Variants in RYR2 observed in about 807,000 individuals in gnomAD.
The protein encoded by RYR2 is ryanodine receptor 2, also known as cardiac muscle ryanodine receptor-calcium release channel.
In RYR2, 227 loss-of-function variants were observed where a neutral mutation model predicts 601.1. The ratio of observed to expected loss-of-function variants is 0.38; its 90% CI spans 0.34 to 0.42. RYR2 has a LOEUF of 0.42. RYR2 is among the 10% of genes least tolerant of loss of function. The pLI is 1.00. For missense variants in RYR2, 4,646 were observed against 6,156.5 expected (o/e 0.75, Z 8.21); for synonymous variants, 2,223 against 2,175.1 (o/e 1.02, Z -0.61).
At chr1:237,298,568 T>A (rs1042073199) in intron 2 of RYR2, among the ~76,000 whole-genome samples, 2 of 152,118 alleles carry the variant, frequency 1.3e-5, no homozygotes, top group African/African-American at 4.8e-5. Context: ...CTTGGCTCTA[T>A]TAGCTTCATT....
chr1:237,649,410 G>A (rs1171251484), intron 49 of RYR2, among the ~76,000 whole-genome samples: 1 of 152,118 alleles, frequency 6.6e-6, no homozygotes, highest in Non-Finnish European at 1.5e-5. Flanking sequence ...CGATAACATA[G>A]TAGTAATACA....
chr1:237,137,278 C>T (rs1282892589), intron 1 of RYR2, among the ~76,000 whole-genome samples: 2 of 152,138 alleles, frequency 1.3e-5, no homozygotes, highest in African/African-American at 4.8e-5. Context: ...ACTTACCCCT[C>T]CCATGGTCTC....
chr1:237,339,359 A>C (rs571486188), intron 3 of RYR2, among the ~76,000 whole-genome samples: 137 of 152,302 alleles, frequency 9.0e-4, no homozygotes, highest in African/African-American at 2.6e-3. Flanking sequence ...TATTGTTAAA[A>C]GTAATTAGTG....
intron 62 of RYR2, among the ~76,000 whole-genome samples, chr1:237,686,783 C>A (rs1007852740): frequency 3.9e-5 from 6 of 152,100 alleles, no homozygotes; most frequent in Admixed American, 3.3e-4. Flanking sequence ...TGCTCTGGAG[C>A]AGATAAGAAA....
intron 10 of RYR2, among the ~76,000 whole-genome samples, chr1:237,407,628 T>C (rs1704037338): frequency 9.9e-6 from 1 of 100,972 alleles, no homozygotes; most frequent in Non-Finnish European, 1.9e-5. Context: ...TTTTTTTTTT[T>C]TAAATTGAGA....
chr1:237,595,578 A>C lies in RYR2; in HGVS notation c.4517A>C (p.Glu1506Ala), dbSNP rs1559085585. ...CAAGGACGCAACAATAATGGACTGG[A>C]GATTGGCTGTGTGGTGGATGCTGCC... Reference protein sequence around the residue: ...PGQGRNNNGLEIGCVVDAASG... With the variant: ...PGQGRNNNGLAIGCVVDAASG... Residue 1506 changes from glutamate (E) to alanine (A), a missense_variant, in exon 34 of 105, where the codon GAG (glutamate) becomes GCG (alanine). Glu to Ala is a moderately radical substitution (Grantham distance 107). Transcript: ENST00000366574. The C allele has an allele frequency of 6.2e-7, 1 of 1,613,564 alleles. No individual in the cohort carries two copies. The highest frequency in any genetic ancestry group is 8.5e-7 in the Non-Finnish European group (1 of 1,179,694).
At chr1:237,562,062 T>C (rs186054386) in intron 27 of RYR2, among the ~76,000 whole-genome samples, 10 of 152,338 alleles carry the variant, frequency 6.6e-5, no homozygotes, top group Admixed American at 3.3e-4. Context: ...AATCAAGCCT[T>C]ATGTAATTAA....
At chr1:237,708,242 A>G (rs998754185) in intron 68 of RYR2, among the ~76,000 whole-genome samples, 1 of 152,226 alleles carries the variant, frequency 6.6e-6, no homozygotes, top group Non-Finnish European at 1.5e-5. Context: ...AGAAAAATGC[A>G]GCAATGACTT....
intron 1 of RYR2, among the ~76,000 whole-genome samples, chr1:237,227,053 G>A (rs1052640632): frequency 4.6e-5 from 7 of 152,226 alleles, no homozygotes; most frequent in Non-Finnish European, 8.8e-5. Context: ...GATTATAGAC[G>A]TTGAGCCCCT....
At chr1:237,329,922 A>T (rs1047864146) in intron 2 of RYR2, among the ~76,000 whole-genome samples, 8 of 152,212 alleles carry the variant, frequency 5.3e-5, no homozygotes, top group Non-Finnish European at 1.2e-4. Context: ...TATACACAGA[A>T]CAGGACCAAG....
At chr1:237,470,165 G>A (rs1205902781) in intron 17 of RYR2, among the ~76,000 whole-genome samples, 2 of 152,086 alleles carry the variant, frequency 1.3e-5, no homozygotes, top group Admixed American at 6.6e-5. Context: ...TGAAGATAGG[G>A]GCATGGTTTC....
At chr1:237,319,432 A>G (rs778581672) in intron 2 of RYR2, among the ~76,000 whole-genome samples, 7 of 151,806 alleles carry the variant, frequency 4.6e-5, no homozygotes, top group Non-Finnish European at 8.8e-5. Flanking sequence ...GAATTCTTTT[A>G]TGTCTCTATT....
chr1:237,408,879 T>A (rs1389774720), intron 10 of RYR2, among the ~76,000 whole-genome samples: 1 of 152,186 alleles, frequency 6.6e-6, no homozygotes, highest in Admixed American at 6.5e-5. Flanking sequence ...GTTGTCTTTA[T>A]TTAGATTTTG....
At chr1:237,671,626 T>C (rs535143240) in intron 58 of RYR2, among the ~76,000 whole-genome samples, 1 of 151,960 alleles carries the variant, frequency 6.6e-6, no homozygotes, top group Non-Finnish European at 1.5e-5. Context: ...TTTCACCCAT[T>C]CTCTTCTCTT....
rs959492540 is a variant in RYR2 at position 237,806,377 on chromosome 1, A to G, written c.14298+94A>G. 5 of 1,267,370 alleles carry G rather than the reference A, an allele frequency of 3.9e-6. No individual in the cohort carries two copies. The Admixed American group carries it at 9.1e-5, about 23-fold the overall frequency. The allele number at this position is 1,267,370 out of a possible 1,614,324, so 78.5% of individuals were successfully genotyped here. A position where few individuals can be genotyped will look rare whatever the true frequency, so the allele number is the denominator to read the frequency against. On this transcript the variant is annotated intron_variant, in intron 99 of 104. Coordinates refer to ENST00000366574, the MANE Select transcript of RYR2 (RefSeq NM_001035.3). ...AACTACCCCTCAAATGACAATGTAC[A>G]GTTTTAAAGATTTTTTTGAAGGGAG...
intron 1 of RYR2, among the ~76,000 whole-genome samples, chr1:237,074,632 C>T (rs561122419): frequency 5.9e-5 from 9 of 152,318 alleles, no homozygotes; most frequent in Non-Finnish European, 8.8e-5. Context: ...TAGTCAGTCA[C>T]CACGGGTAGA....
At chr1:237,219,830 C>T (rs914609147) in intron 1 of RYR2, among the ~76,000 whole-genome samples, 12 of 152,200 alleles carry the variant, frequency 7.9e-5, no homozygotes, top group African/African-American at 2.9e-4. Context: ...AGCCTGGCCC[C>T]TGCTTAGGCT....
chr1:237,804,289 C>T (rs1382250537), intron 98 of RYR2, among the ~76,000 whole-genome samples: 1 of 113,748 alleles, frequency 8.8e-6, no homozygotes, highest in Non-Finnish European at 1.9e-5. Flanking sequence ...TTTTCCTTCC[C>T]AAGCAAACTC....
At chr1:237,674,246 C>T (rs1461166929) in intron 59 of RYR2, 27 bp downstream of exon 59, 2 of 1,551,132 alleles carry the variant, frequency 1.3e-6, no homozygotes, top group South Asian at 1.1e-5. Flanking sequence ...CCTAAGTACA[C>T]ACTCTTTTCA....
Sources: gnomAD v4.1 joint callset for allele counts (sites outside exome capture counted in the v4.1 genomes callset) on GRCh38, gnomAD v4.1.1 for gene constraint, MANE v1.5 for transcripts, NCBI Gene and HGNC (gene_info 2026-07-23, HGNC 2026-07-21) for gene names.